Variants in KCNAB1 observed in about 807,000 individuals in gnomAD.
KCNAB1 encodes voltage-gated potassium channel subunit beta-1.
KCNAB1 carries 35 observed loss-of-function variants against 64.6 expected under a neutral mutation model. The ratio of observed to expected loss-of-function variants is 0.54; its 90% CI spans 0.41 to 0.72. The LOEUF (loss-of-function observed/expected upper bound fraction) is 0.72, where lower values mean the gene tolerates loss of function less well. KCNAB1 is among the 30% of genes least tolerant of loss of function. The probability of loss-of-function intolerance (pLI) is 0.00; values close to 1 mark genes in which losing one functional copy is unlikely to be tolerated. For missense variants in KCNAB1, 401 were observed against 512.9 expected (o/e 0.78, Z 2.11); for synonymous variants, 177 against 183.8 (o/e 0.96, Z 0.30).
At chr3:156,202,419 TC>T in intron 1 of KCNAB1, among the ~76,000 whole-genome samples, 1 of 152,170 alleles carries the variant, frequency 6.6e-6, no homozygotes, top group Non-Finnish European at 1.5e-5. Context: ...AACTGTGTCT[TC>T]CCTCCATCCA....
chr3:156,311,094 C>T (rs1721869571), intron 1 of KCNAB1, among the ~76,000 whole-genome samples: 1 of 152,094 alleles, frequency 6.6e-6, no homozygotes, highest in Non-Finnish European at 1.5e-5. Context: ...TCTTAATGTG[C>T]CAGTAGCACT....
At chr3:156,520,571 C>T (rs893170002) in intron 11 of KCNAB1, among the ~76,000 whole-genome samples, 1 of 152,080 alleles carries the variant, frequency 6.6e-6, no homozygotes, top group Admixed American at 6.5e-5. Context: ...CAATGAGACC[C>T]TGTCTCGAAA....
At chr3:156,128,989 C>G (rs1713826455) in intron 1 of KCNAB1, among the ~76,000 whole-genome samples, 2 of 152,094 alleles carry the variant, frequency 1.3e-5, no homozygotes, top group South Asian at 2.1e-4. Context: ...CTATTTCTTT[C>G]ATCTCCTTCA....
chr3:156,372,228 A>G (rs1726350646), intron 1 of KCNAB1, among the ~76,000 whole-genome samples: 1 of 152,226 alleles, frequency 6.6e-6, no homozygotes, highest in Non-Finnish European at 1.5e-5. Context: ...TCTGAGAGTA[A>G]TACATTGAAT....
intron 8 of KCNAB1, among the ~76,000 whole-genome samples, chr3:156,487,499 T>G (rs531434102): frequency 6.6e-6 from 1 of 152,278 alleles, no homozygotes; most frequent in Admixed American, 6.5e-5. Context: ...GGAAAGCGTG[T>G]GTTGTGTCTA....
intron 1 of KCNAB1, among the ~76,000 whole-genome samples, chr3:156,188,604 C>T (rs140911360): frequency 7.2e-5 from 11 of 152,294 alleles, no homozygotes; most frequent in East Asian, 5.8e-4. Flanking sequence ...TGTTAGCATA[C>T]GCTTTCAGAC....
chr3:156,479,769 T>C (rs1714652907), intron 8 of KCNAB1, among the ~76,000 whole-genome samples: 1 of 152,154 alleles, frequency 6.6e-6, no homozygotes, highest in Admixed American at 6.6e-5. Flanking sequence ...GTTCCAGTTA[T>C]TAATTTTTTC....
In KCNAB1 at chr3:156,465,628, T is replaced by G. The variant is rs1409107925; in HGVS notation, c.528-15T>G. 1.6e-5 allele frequency: 26 copies of G among 1,611,646 alleles called. No individual in the cohort carries two copies. Among genetic ancestry groups the G allele is most frequent in the South Asian group, 2.2e-5 (2 of 91,016 alleles). ...ACACTCTCATTCAAAGTTATTTGCT[T>G]CTTTTTCTTGGCAGAGCTGAAACAG... On this transcript the variant is annotated splice_polypyrimidine_tract_variant and intron_variant, in intron 6 of 13. Coordinates refer to ENST00000490337, the MANE Select transcript of KCNAB1 (RefSeq NM_172160.3).
At chr3:156,297,364 G>A (rs1418610583) in intron 1 of KCNAB1, among the ~76,000 whole-genome samples, 3 of 151,094 alleles carry the variant, frequency 2.0e-5, no homozygotes, top group South Asian at 2.1e-4. Flanking sequence ...GCTCCATGGA[G>A]GGTAAGATAT....
intron 1 of KCNAB1, among the ~76,000 whole-genome samples, chr3:156,402,273 C>G (rs552352557): frequency 2.8e-4 from 43 of 151,978 alleles, no homozygotes; most frequent in African/African-American, 1.0e-3. Flanking sequence ...TCTAGTATCT[C>G]TAAATATAGA....
chr3:156,142,849 TG>T, intron 1 of KCNAB1: 1 of 308,892 alleles, frequency 3.2e-6, no homozygotes, highest in Non-Finnish European at 4.8e-6. Flanking sequence ...TAGAAAGACA[TG>T]GGAAAAAGTT....
intron 1 of KCNAB1, among the ~76,000 whole-genome samples, chr3:156,320,029 G>A (rs777532967): frequency 6.6e-6 from 1 of 152,130 alleles, no homozygotes; most frequent in Non-Finnish European, 1.5e-5. Flanking sequence ...CAGGAGCAGG[G>A]CTACATCCAT....
rs2108437671 is a variant in KCNAB1 at position 156,537,870 on chromosome 3, T to TGTCA, written c.*1124_*1127dup. 2 of 152,562 alleles carry TGTCA rather than the reference T, an allele frequency of 1.3e-5. No individual in the cohort carries two copies. Among genetic ancestry groups the TGTCA allele is most frequent in the East Asian group, 3.8e-4 (2 of 5,196 alleles). The allele number at this position is 152,562 out of a possible 1,614,324, so 9.5% of individuals were successfully genotyped here. A position where few individuals can be genotyped will look rare whatever the true frequency, so the allele number is the denominator to read the frequency against. On this transcript the variant is annotated 3_prime_UTR_variant, in exon 14 of 14. Coordinates refer to ENST00000490337, the MANE Select transcript of KCNAB1 (RefSeq NM_172160.3). ...ACCACTGGCTTTGTGAAAAATGCTA[T>TGTCA]GTCACTATTCAGAATATGCTGGGTA...
chr3:156,392,314 A>C (rs1167444541), intron 1 of KCNAB1, among the ~76,000 whole-genome samples: 2 of 152,242 alleles, frequency 1.3e-5, no homozygotes, highest in African/African-American at 4.8e-5. Flanking sequence ...AGGAATGAAT[A>C]AATTATTCCT....
At chr3:156,535,099 G>A (rs1272346621) in intron 13 of KCNAB1, among the ~76,000 whole-genome samples, 1 of 151,930 alleles carries the variant, frequency 6.6e-6, no homozygotes, top group African/African-American at 2.4e-5. Flanking sequence ...TTAGCTGTTT[G>A]GACACTGAAA....
intron 1 of KCNAB1, among the ~76,000 whole-genome samples, chr3:156,201,796 G>A (rs1278167202): frequency 6.6e-6 from 1 of 152,212 alleles, no homozygotes; most frequent in Non-Finnish European, 1.5e-5. Context: ...ATGTAAAGTG[G>A]CATGTGGGAG....
intron 1 of KCNAB1, among the ~76,000 whole-genome samples, chr3:156,413,430 C>A (rs1312078323): frequency 6.6e-6 from 1 of 152,174 alleles, no homozygotes; most frequent in Non-Finnish European, 1.5e-5. Flanking sequence ...TAACAGCTTG[C>A]ACTTACAGAG....
intron 1 of KCNAB1, among the ~76,000 whole-genome samples, chr3:156,164,516 T>C (rs1716257116): frequency 6.6e-6 from 1 of 152,202 alleles, no homozygotes; most frequent in Non-Finnish European, 1.5e-5. Context: ...CTCATTTTGT[T>C]TTCCTGGCAA....
In KCNAB1 at chr3:156,120,720, A is replaced by G; in HGVS notation, c.109A>G (p.Lys37Glu). ...AGCAGGGAAAGACAAATCTCCCAAG[A>G]AAGCCTCAGAAAACGCTAAAGACAG... is the stretch of plus-strand genomic sequence containing the variant. Reference protein sequence around the residue: ...SVAGKDKSPKKASENAKDSSL... With the variant: ...SVAGKDKSPKEASENAKDSSL... Residue 37 changes from lysine to glutamate, a missense_variant, in exon 1 of 14, where the codon AAA (lysine) becomes GAA (glutamate). Transcript: ENST00000490337. 1.9e-6 allele frequency: 3 copies of G among 1,614,240 alleles called. No individual in the cohort carries two copies. Among genetic ancestry groups the G allele is most frequent in the Non-Finnish European group, 2.5e-6 (3 of 1,180,040 alleles).
Sources: allele counts gnomAD v4.1 joint callset (sites outside exome capture counted in the v4.1 genomes callset), GRCh38; gene constraint gnomAD v4.1.1; transcripts MANE v1.5; gene names NCBI Gene and HGNC (gene_info 2026-07-23, HGNC 2026-07-21).